AFF3: variants seen among roughly 807,000 people sequenced by gnomAD.
The protein encoded by AFF3 is ALF transcription elongation factor 3.
A neutral mutation model predicts 129.7 loss-of-function variants in AFF3; 32 were observed. The observed-to-expected ratio is 0.25, with a 90% CI of 0.19 to 0.33. The LOEUF is 0.33. Ranked by LOEUF, AFF3 falls within the 10% of genes least tolerant of loss-of-function variation. The pLI is 1.00. For synonymous variants in AFF3, 644 were observed against 635.4 expected, an observed-to-expected ratio of 1.01 and a Z score of -0.20; for missense variants, 1,373 against 1,592.0, an observed-to-expected ratio of 0.86 and a Z score of 2.34.
At chr2:99,703,574 T>C (rs1421612767) in intron 11 of AFF3, among the ~76,000 whole-genome samples, 9 of 152,226 alleles carry the variant, frequency 5.9e-5, no homozygotes, top group Non-Finnish European at 1.0e-4. Context: ...AAAGTAATTA[T>C]TGACGTGTTA....
chr2:99,638,063 C>T (rs1484186452), intron 13 of AFF3, among the ~76,000 whole-genome samples: 3 of 145,040 alleles, frequency 2.1e-5, no homozygotes, highest in East Asian at 2.1e-4. Flanking sequence ...GGGATGACAA[C>T]GGGCCAGAAC....
chr2:100,140,099 T>C (rs548575518), intron 1 of AFF3, among the ~76,000 whole-genome samples: 1 of 152,346 alleles, frequency 6.6e-6, no homozygotes, highest in South Asian at 2.1e-4. Flanking sequence ...TTTCCTTACA[T>C]GACTCGGAAA....
intron 7 of AFF3, among the ~76,000 whole-genome samples, chr2:99,926,423 T>C (rs936352124): frequency 6.6e-6 from 1 of 152,206 alleles, no homozygotes; most frequent in Non-Finnish European, 1.5e-5. Flanking sequence ...AGCTGGATGC[T>C]ACTGTTTAAA....
In AFF3 at chr2:99,593,383, T is replaced by C. The variant is rs759410315; in HGVS notation, c.2278A>G (p.Ser760Gly). ...ACCCAGAGAGACCTGATCTCATCAC[T>C]GTCCTTTAGAGGGGAGAGAAGTTCG... is the stretch of plus-strand genomic sequence containing the variant. The part of the protein sequence containing the change: ...RNELLSPLKD[S>G]DEIRSLWVKI... Residue 760 changes from serine to glycine, a missense_variant, in exon 15 of 25, where the codon AGT becomes GGT. Around this residue, in one of 9 missense-constraint regions of AFF3, gnomAD observed 466 missense variants for 505.0 expected, o/e 0.92. Coordinates refer to ENST00000672756, the MANE Select transcript of AFF3 (RefSeq NM_001386135.1). The C allele has an allele frequency of 2.5e-6, 4 of 1,613,872 alleles. No homozygotes were observed.
intron 8 of AFF3, among the ~76,000 whole-genome samples, chr2:99,803,181 T>C (rs929762085): frequency 6.6e-6 from 1 of 152,226 alleles, no homozygotes. Context: ...TTTTATCACA[T>C]GCTTATTCTG....
At chr2:99,926,604 T>C (rs1350325609) in intron 7 of AFF3, among the ~76,000 whole-genome samples, 4 of 152,142 alleles carry the variant, frequency 2.6e-5, no homozygotes, top group Non-Finnish European at 5.9e-5. Context: ...ATTTCAATTG[T>C]GATTTCTGCT....
Position 99,554,354 on chromosome 2 carries a change from G to A in AFF3, c.3516C>T (p.Tyr1172=), listed in dbSNP as rs757906287. ...VSITNSILHS[Y]DYWEMADNLA... ...GGTTGTCGGCCATCTCCCAGTAGTC[G>A]TAGCTGTGCAGGATGCTGTTGGTGA... is the stretch of plus-strand genomic sequence containing the variant. Residue 1172 remains tyrosine, a synonymous_variant, in exon 24 of 25, where the codon TAC becomes TAT. Transcript: ENST00000672756. 3.3e-5 allele frequency: 54 copies of A among 1,614,060 alleles called. No homozygotes were observed. The Admixed American group carries it at 4.3e-4, about 13-fold the overall frequency.
intron 11 of AFF3, among the ~76,000 whole-genome samples, chr2:99,687,520 AG>A (rs766618232): frequency 3.9e-5 from 6 of 152,164 alleles, no homozygotes; most frequent in Non-Finnish European, 5.9e-5. Flanking sequence ...TCAAGCCACG[AG>A]GCTGAGCTCC....
intron 11 of AFF3, among the ~76,000 whole-genome samples, chr2:99,716,478 A>C (rs983926553): frequency 1.3e-5 from 2 of 152,150 alleles, no homozygotes; most frequent in African/African-American, 4.8e-5. Context: ...GATTGCTGTA[A>C]GGGTTAGAGA....
chr2:100,118,774 T>C (rs527870393), intron 2 of AFF3, among the ~76,000 whole-genome samples: 5 of 152,158 alleles, frequency 3.3e-5, no homozygotes, highest in Non-Finnish European at 5.9e-5. Context: ...TTCCTTGCAT[T>C]CTTGGATCAA....
chr2:99,852,044 C>T (rs1225488526), intron 7 of AFF3, among the ~76,000 whole-genome samples: 1 of 152,176 alleles, frequency 6.6e-6, no homozygotes, highest in African/African-American at 2.4e-5. Flanking sequence ...AGCAGTCAGC[C>T]ACTGTGTGGC....
chr2:100,136,369 G>A (rs1428571136), intron 1 of AFF3, among the ~76,000 whole-genome samples: 1 of 152,222 alleles, frequency 6.6e-6, no homozygotes, highest in Non-Finnish European at 1.5e-5. Flanking sequence ...CGCGGCCAGT[G>A]TGGTAGGAAG....
chr2:99,699,297 C>T (rs1575731548), intron 11 of AFF3, among the ~76,000 whole-genome samples: 1 of 152,308 alleles, frequency 6.6e-6, no homozygotes, highest in African/African-American at 2.4e-5. Context: ...TTCTGATGGG[C>T]ACCCTTTGAT....
intron 24 of AFF3, 123 bp downstream of exon 24, chr2:99,554,188 A>T: frequency 3.9e-6 from 4 of 1,033,108 alleles, no homozygotes; most frequent in Non-Finnish European, 5.8e-6. Context: ...GCCTGATATA[A>T]TGTCAAATGA....
intron 16 of AFF3, among the ~76,000 whole-genome samples, chr2:99,586,635 G>A (rs1282655573): frequency 1.3e-5 from 2 of 152,170 alleles, no homozygotes; most frequent in Non-Finnish European, 2.9e-5. Context: ...ACAGAGGGGA[G>A]TCAGTGCTGG....
intron 8 of AFF3, among the ~76,000 whole-genome samples, chr2:99,791,661 C>T (rs1349270547): frequency 1.3e-5 from 2 of 152,192 alleles, no homozygotes; most frequent in African/African-American, 2.4e-5. Flanking sequence ...CAGTGCTTTC[C>T]TGGTCATTCA....
At chr2:100,078,281 G>A (rs1436663570) in intron 4 of AFF3, among the ~76,000 whole-genome samples, 1 of 152,184 alleles carries the variant, frequency 6.6e-6, no homozygotes, top group African/African-American at 2.4e-5. Flanking sequence ...TACTGTAAGC[G>A]AATATACAGG....
At chr2:100,006,084 T>A (rs536653107) in intron 7 of AFF3, 1 of 152,360 alleles carries the variant, frequency 6.6e-6, no homozygotes, top group South Asian at 2.1e-4. Flanking sequence ...TCCAAAACAT[T>A]TGAATAGTTC....
intron 7 of AFF3, among the ~76,000 whole-genome samples, chr2:100,001,649 A>C (rs144307014): frequency 6.6e-6 from 1 of 152,210 alleles, no homozygotes; most frequent in African/African-American, 2.4e-5. Context: ...GATGGTCTCC[A>C]TCTCCTGACC....
Sources: allele counts gnomAD v4.1 joint callset (sites outside exome capture counted in the v4.1 genomes callset), GRCh38; gene constraint gnomAD v4.1.1; regional missense constraint gnomAD v4.1.1; transcripts MANE v1.5; gene names NCBI Gene and HGNC (gene_info 2026-07-23, HGNC 2026-07-21).